The following USP40 variants were observed in gnomAD, a reference collection of about 807,000 sequenced individuals.
USP40 encodes ubiquitin specific peptidase 40.
Under a neutral mutation model 166.2 loss-of-function variants are expected in USP40, and 143 were observed. That is an observed-to-expected ratio of 0.86 (90% CI 0.75 to 0.99). USP40 has a LOEUF of 0.99. Ranked by LOEUF, USP40 falls within the 50% of genes least tolerant of loss-of-function variation. USP40 has a pLI of 0.00. For missense variants in USP40, 1,444 were observed against 1,479.7 expected (o/e 0.98, Z 0.40); for synonymous variants, 498 against 524.0 (o/e 0.95, Z 0.68).
chr2:233,531,802 T>C (rs1396417464), intron 11 of USP40, among the ~76,000 whole-genome samples: 2 of 152,210 alleles, frequency 1.3e-5, no homozygotes, highest in Non-Finnish European at 2.9e-5. Context: ...TATGTCTCAA[T>C]CTATAAAGCT....
intron 24 of USP40, among the ~76,000 whole-genome samples, chr2:233,494,455 G>A (rs976820183): frequency 3.9e-5 from 6 of 152,070 alleles, no homozygotes; most frequent in Admixed American, 3.3e-4. Flanking sequence ...GCCATTCCAC[G>A]TTTAGGAATT....
chr2:233,478,229 T>C (rs1416724351), intron 31 of USP40, among the ~76,000 whole-genome samples: 1 of 152,208 alleles, frequency 6.6e-6, no homozygotes, highest in Admixed American at 6.5e-5. Flanking sequence ...TACCGGGAAG[T>C]GCCCAGCAGA....
At chr2:233,496,925 CA>C in intron 23 of USP40, 93 bp from the exon 24 acceptor site, 1 of 880,032 alleles carries the variant, frequency 1.1e-6, no homozygotes, top group Non-Finnish European at 1.8e-6. Flanking sequence ...ATTATCTTTT[CA>C]AAAATTAAAT....
intron 18 of USP40, among the ~76,000 whole-genome samples, chr2:233,516,333 A>G (rs556784198): frequency 0.011 from 1,643 of 152,294 alleles, 21 homozygotes; most frequent in East Asian, 0.029. Context: ...TTCTTTAAAA[A>G]ATGTTAAGAT....
rs369500461 is a variant in USP40, at chr2:233,559,896, C to T, written c.296G>A (p.Arg99His). Reference protein sequence around the residue: ...KVRIIPLQLQRLFAQLLLLDQ... With the variant: ...KVRIIPLQLQHLFAQLLLLDQ... ...TAAGAGCAGAAGCTGAGCAAACAAG[C>T]GCTGTAACTGTAAAGGGATGATTCG... The change falls in exon 4 of 32, where the codon CGC becomes CAC. Residue 99 changes from arginine (R) to histidine (H), a missense_variant. Arg to His is a conservative substitution (Grantham distance 29). Transcript: ENST00000678225. 1.3e-5 allele frequency: 21 copies of T among 1,608,160 alleles called. No homozygotes were observed. The highest frequency in any genetic ancestry group is 1.6e-4 in the Middle Eastern group (1 of 6,082).
rs142518028 is a variant in USP40 at position 233,503,850 on chromosome 2, T to C, written c.2614-3935A>G. Reference sequence around the variant, plus strand: ...AAAGTATAAAACTCACAAGTATAGGTAAATTCATAATCATACTTGGAATAC... The same window carrying C: ...AAAGTATAAAACTCACAAGTATAGGCAAATTCATAATCATACTTGGAATAC... On this transcript the variant is annotated intron_variant, in intron 21 of 31. Coordinates refer to ENST00000678225, the MANE Select transcript of USP40 (RefSeq NM_001365479.2). Among the ~76,000 whole-genome samples the C allele has an allele frequency of 6.4e-3, 975 of 152,256 alleles. 4 individuals are homozygous for C. Among genetic ancestry groups the C allele is most frequent in the African/African-American group, 0.022 (922 of 41,560 alleles).
At chr2:233,511,648 T>A in intron 20 of USP40, 61 bp downstream of exon 20, 1 of 1,290,984 alleles carries the variant, frequency 7.7e-7, no homozygotes. Context: ...GCTAAGGTAC[T>A]AGTTATAATT....
intron 11 of USP40, among the ~76,000 whole-genome samples, chr2:233,529,830 C>T (rs1410312839): frequency 7.3e-5 from 3 of 40,948 alleles, no homozygotes; most frequent in Non-Finnish European, 1.3e-4. Flanking sequence ...TTTTTTGAGA[C>T]GGAGTCTCAC....
In USP40 at chr2:233,480,427, G is replaced by T. The variant is rs550538816; in HGVS notation, c.3599+776C>A. On this transcript the variant is annotated intron_variant, in intron 31 of 31. Coordinates refer to ENST00000678225, the MANE Select transcript of USP40 (RefSeq NM_001365479.2). The surrounding 1 kb of genome is among the most constrained non-coding windows in gnomAD (Gnocchi z 4.5). ...GAGGCCTGCATGGAGCTGATGCCAC[G>T]GGCAGGTCCTGGGACTTGTGGTGGT... Among the ~76,000 whole-genome samples the T allele has an allele frequency of 5.6e-4, 86 of 152,318 alleles. No homozygotes were observed. The highest frequency in any genetic ancestry group is 2.0e-3 in the African/African-American group (84 of 41,580).
Position 233,497,526 on chromosome 2 carries a change from T to C in USP40, c.2716-694A>G, listed in dbSNP as rs529556767. On this transcript the variant is annotated intron_variant, in intron 23 of 31. Coordinates refer to ENST00000678225, the MANE Select transcript of USP40 (RefSeq NM_001365479.2). ...ACAGTTTGGAGGCTGAGAGGAAACA[T>C]GAAGAATGAAAGATAAGGAGGATAT... 3.9e-5 allele frequency among the ~76,000 whole-genome samples: 6 copies of C among 152,112 alleles called. No homozygotes were observed. The South Asian group carries it at 1.0e-3, about 26-fold the overall frequency.
At chr2:233,538,459 A>G (rs2069103297) in intron 10 of USP40, among the ~76,000 whole-genome samples, 1 of 152,236 alleles carries the variant, frequency 6.6e-6, no homozygotes. Flanking sequence ...AGCTAAAAAA[A>G]GACAAATTAT....
chr2:233,523,112 G>C (rs2067767218), intron 16 of USP40, 58 bp downstream of exon 16: 1 of 1,509,386 alleles, frequency 6.6e-7, no homozygotes, highest in African/African-American at 1.4e-5. Context: ...AGTTCTGCTG[G>C]GTGGTACTGT....
intron 30 of USP40, among the ~76,000 whole-genome samples, chr2:233,481,933 G>T (rs2064627655): frequency 1.3e-5 from 2 of 152,366 alleles, no homozygotes; most frequent in South Asian, 4.1e-4. Flanking sequence ...GGAAGTGCGT[G>T]TCAGGAAAGA....
chr2:233,560,864 G>T, intron 3 of USP40: 1 of 578,242 alleles, frequency 1.7e-6, no homozygotes, highest in Non-Finnish European at 3.1e-6. Context: ...ATAGACTTCT[G>T]GGGGAAGCTA....
Position 233,480,362 on chromosome 2 carries a change from G to A in USP40, c.3599+841C>T, listed in dbSNP as rs1025068468. On this transcript the variant is annotated intron_variant, in intron 31 of 31. Transcript: ENST00000678225. The surrounding 1 kb of genome is among the most constrained non-coding windows in gnomAD (Gnocchi z 4.5). ...AGGAGAGACCCAGAGTCCGTGAGTC[G>A]GGGAGTGGGGGAGGATGAGGACGCC... 2.0e-5 allele frequency among the ~76,000 whole-genome samples: 3 copies of A among 152,228 alleles called. No homozygotes were observed. Among genetic ancestry groups the A allele is most frequent in the Non-Finnish European group, 2.9e-5 (2 of 68,042 alleles).
intron 16 of USP40, 73 bp from the exon 17 acceptor site, chr2:233,521,187 A>C (rs2125214785): frequency 2.0e-6 from 3 of 1,494,072 alleles, no homozygotes; most frequent in South Asian, 1.4e-5. Context: ...TGCATGTGTC[A>C]CTTAATGTGA....
rs752052066 is a variant in USP40 at position 233,524,502 on chromosome 2, T to G, written c.1871A>C (p.Asn624Thr). The change falls in exon 15 of 32, where the codon AAT (asparagine) becomes ACT (threonine). Residue 624 changes from asparagine (N) to threonine (T), a missense_variant. Physicochemically the swap from Asn to Thr is moderately conservative, Grantham distance 65. Coordinates refer to ENST00000678225, the MANE Select transcript of USP40 (RefSeq NM_001365479.2). ...IADGEDIFVW[N>T]GVEVGGVHIQ... ...AGTAATTTTTTTTACCTCCACCCCA[T>G]TCCACACAAAGATGTCTTCCCCATC... 6.2e-7 allele frequency: 1 copy of G among 1,606,418 alleles called. No individual in the cohort carries two copies. The highest frequency in any genetic ancestry group is 8.5e-7 in the Non-Finnish European group (1 of 1,177,030).
At chr2:233,530,858 T>C (rs1339632170) in intron 11 of USP40, among the ~76,000 whole-genome samples, 2 of 152,360 alleles carry the variant, frequency 1.3e-5, no homozygotes, top group Admixed American at 1.3e-4. Flanking sequence ...CTGTTTTCCA[T>C]TAGCTTGTCA....
Position 233,533,638 on chromosome 2 carries a change from G to A in USP40, c.1312C>T (p.Pro438Ser), listed in dbSNP as rs2125279502. The A allele has an allele frequency of 2.5e-6, 4 of 1,613,734 alleles. No individual in the cohort carries two copies. In the East Asian group the frequency reaches 6.7e-5, roughly 27 times the overall value. Reference protein sequence around the residue: ...QIFKMLPPESPGLNNSISCPH... With the variant: ...QIFKMLPPESSGLNNSISCPH... Reference sequence around the variant, plus strand: ...CAGGAGATGCTATTGTTTAAACCTGGGGATTCTGGAGGAAGCATCTTGAAA... The same window carrying A: ...CAGGAGATGCTATTGTTTAAACCTGAGGATTCTGGAGGAAGCATCTTGAAA... The change falls in exon 11 of 32, where the codon CCA becomes TCA. Residue 438 changes from proline to serine, a missense_variant. Coordinates refer to ENST00000678225, the MANE Select transcript of USP40 (RefSeq NM_001365479.2).
Sources: allele counts gnomAD v4.1 joint callset (sites outside exome capture counted in the v4.1 genomes callset), GRCh38; gene constraint gnomAD v4.1.1; non-coding constraint Gnocchi (gnomAD v3.1); transcripts MANE v1.5; gene names NCBI Gene and HGNC (gene_info 2026-07-23, HGNC 2026-07-21).